Variants in NUDCD3 observed in about 807,000 individuals in gnomAD.
NUDCD3 encodes NudC domain containing 3.
A neutral mutation model predicts 39.7 loss-of-function variants in NUDCD3; 13 were observed. That is an observed-to-expected ratio of 0.33 (90% CI 0.21 to 0.52). The LOEUF is 0.52. Among genes scored for constraint, NUDCD3 ranks in the 20% least tolerant of loss-of-function variants. The pLI is 0.96. For synonymous variants in NUDCD3, 175 were observed against 172.4 expected (o/e 1.02, Z -0.12); for missense variants, 453 against 458.1 (o/e 0.99, Z 0.10).
chr7:44,395,153 T>C (rs1217385154), intron 4 of NUDCD3, among the ~76,000 whole-genome samples: 6 of 152,224 alleles, frequency 3.9e-5, no homozygotes, highest in Non-Finnish European at 7.3e-5. Context: ...TTCAAGGTTT[T>C]CCAGTAACTA....
chr7:44,415,565 C>T (rs1346917395), intron 3 of NUDCD3, among the ~76,000 whole-genome samples: 1 of 152,160 alleles, frequency 6.6e-6, no homozygotes, highest in Non-Finnish European at 1.5e-5. Flanking sequence ...ATTATGCATA[C>T]ACTCTTATTT....
At chr7:44,430,077 G>T (rs1799324776) in intron 2 of NUDCD3, among the ~76,000 whole-genome samples, 1 of 152,138 alleles carries the variant, frequency 6.6e-6, no homozygotes, top group Non-Finnish European at 1.5e-5. Flanking sequence ...AATTTTTGTG[G>T]TTATCTCTGA....
rs548018275 is a variant in NUDCD3, at chr7:44,381,442, G to C, written c.*4569C>G. ...GCTCCAAGAAGCAAATAGGAGACAA[G>C]GAACCACTGGCCTGCAGATGGGGCA... is the stretch of plus-strand genomic sequence containing the variant. On this transcript the variant is annotated 3_prime_UTR_variant, in exon 6 of 6. Transcript: ENST00000355451. The C allele has an allele frequency of 6.6e-6, 1 of 152,464 alleles. No individual in the cohort carries two copies. The highest frequency in any genetic ancestry group is 6.5e-5 in the Admixed American group (1 of 15,302). The allele number at this position is 152,464 out of a possible 1,614,324, so 9.4% of individuals were successfully genotyped here. A position where few individuals can be genotyped will look rare whatever the true frequency, so the allele number is the denominator to read the frequency against.
At chr7:44,415,669 T>C (rs963207019) in intron 3 of NUDCD3, among the ~76,000 whole-genome samples, 1 of 152,214 alleles carries the variant, frequency 6.6e-6, no homozygotes, top group South Asian at 2.1e-4. Context: ...GGCAAAGCTC[T>C]GATAATGCCT....
intron 2 of NUDCD3, among the ~76,000 whole-genome samples, chr7:44,474,389 AAC>A (rs1362602868): frequency 3.3e-5 from 5 of 152,182 alleles, no homozygotes; most frequent in African/African-American, 1.2e-4. Flanking sequence ...AATTCCCAAT[AAC>A]TCTCTGGCCC....
intron 3 of NUDCD3, chr7:44,413,079 T>A (rs527724813): frequency 6.6e-6 from 1 of 151,958 alleles, no homozygotes; most frequent in East Asian, 1.9e-4. Context: ...CCAAACGCAA[T>A]CTGCTCCTAT....
At chr7:44,393,006 C>G (rs1372661985) in intron 4 of NUDCD3, among the ~76,000 whole-genome samples, 1 of 152,104 alleles carries the variant, frequency 6.6e-6, no homozygotes, top group Non-Finnish European at 1.5e-5. Context: ...TAGGGGTAAG[C>G]TGGGACCTAT....
In NUDCD3 at chr7:44,435,115, C is replaced by CT. The variant is rs963664988; in HGVS notation, c.510-7413dup. Reference sequence around the variant, plus strand: ...TTCTTTATTGCCTAATAATTCTACACTTTTTTTAGATTTTTCTAAAAATCT... The same window carrying CT: ...TTCTTTATTGCCTAATAATTCTACACTTTTTTTTAGATTTTTCTAAAAATCT... On this transcript the variant is annotated intron_variant, in intron 2 of 5. Coordinates refer to ENST00000355451, the MANE Select transcript of NUDCD3 (RefSeq NM_015332.4). 2.0e-5 allele frequency among the ~76,000 whole-genome samples: 3 copies of CT among 152,074 alleles called. No homozygotes were observed. In the South Asian group the frequency reaches 6.2e-4, roughly 32 times the overall value.
chr7:44,421,541 T>C (rs1280238442), intron 3 of NUDCD3, among the ~76,000 whole-genome samples: 1 of 145,356 alleles, frequency 6.9e-6, no homozygotes, highest in African/African-American at 2.6e-5. Flanking sequence ...TAAAACAGAC[T>C]TTAAACCAAC....
At position 44,379,265 on chromosome 7, in the gene NUDCD3, C is replaced by T. The variant is rs993802757; in HGVS notation, c.*6746G>A. 6.9e-6 allele frequency: 1 copy of T among 144,674 alleles called. No individual in the cohort carries two copies. Among genetic ancestry groups the T allele is most frequent in the African/African-American group, 2.6e-5 (1 of 38,762 alleles). 9.0% of individuals were successfully genotyped at this position (144,674 alleles called of 1,614,324 possible). On this transcript the variant is annotated 3_prime_UTR_variant, in exon 6 of 6. Transcript: ENST00000355451. ...CCCAGAGGTTTGAGTCCAGTCTGGG[C>T]AACACAGGAAAAACTCTGTCTCAAA... is the stretch of plus-strand genomic sequence containing the variant.
At chr7:44,471,846 G>T (rs2116965988) in intron 2 of NUDCD3, 1 of 152,358 alleles carries the variant, frequency 6.6e-6, no homozygotes, top group South Asian at 2.1e-4. Flanking sequence ...TAATCGAGGG[G>T]TTACTGCACC....
intron 2 of NUDCD3, among the ~76,000 whole-genome samples, chr7:44,445,396 C>T (rs1435470964): frequency 6.6e-6 from 1 of 152,170 alleles, no homozygotes; most frequent in African/African-American, 2.4e-5. Context: ...GTGGTCCCTG[C>T]CAGCCCCATC....
rs139137661 is a variant in NUDCD3, at chr7:44,423,532, C to G, written c.642+4039G>C. ...CAGAGAGCCAAGTCATGAGTGAACT[C>G]CCATCCGCAATTGCTACAAAGAAAA... On this transcript the variant is annotated intron_variant, in intron 3 of 5. Coordinates refer to ENST00000355451, the MANE Select transcript of NUDCD3 (RefSeq NM_015332.4). 1.2e-4 allele frequency among the ~76,000 whole-genome samples: 19 copies of G among 152,212 alleles called. 1 individual carries two copies. In the East Asian group the frequency reaches 3.7e-3, roughly 29 times the overall value.
chr7:44,450,222 G>A (rs1563180834), intron 2 of NUDCD3, among the ~76,000 whole-genome samples: 2 of 150,794 alleles, frequency 1.3e-5, no homozygotes, highest in Admixed American at 6.6e-5. Flanking sequence ...TTATCGCCCA[G>A]GCTGGAGTGC....
At chr7:44,388,218 T>C (rs1335921382) in intron 5 of NUDCD3, among the ~76,000 whole-genome samples, 2 of 152,218 alleles carry the variant, frequency 1.3e-5, no homozygotes, top group African/African-American at 2.4e-5. Context: ...TGGGCATCAA[T>C]GCCAGAGCAC....
At chr7:44,440,302 A>G (rs1285076824) in intron 2 of NUDCD3, among the ~76,000 whole-genome samples, 3 of 152,212 alleles carry the variant, frequency 2.0e-5, no homozygotes, top group African/African-American at 7.2e-5. Context: ...AAAACACTAC[A>G]TAGACCCAAA....
intron 5 of NUDCD3, among the ~76,000 whole-genome samples, chr7:44,390,473 C>T (rs949577086): frequency 6.6e-6 from 1 of 152,202 alleles, no homozygotes; most frequent in Non-Finnish European, 1.5e-5. Flanking sequence ...CTCTCTGTAA[C>T]AAAGGCTCAG....
chr7:44,448,344 TGAGGACCACA>T (rs1799725225), intron 2 of NUDCD3, among the ~76,000 whole-genome samples: 1 of 152,212 alleles, frequency 6.6e-6, no homozygotes, highest in Non-Finnish European at 1.5e-5. Context: ...TGGTCACTCC[TGAGGACCACA>T]GAGGAGATGT....
intron 3 of NUDCD3, among the ~76,000 whole-genome samples, chr7:44,410,622 C>T (rs529822322): frequency 6.6e-6 from 1 of 150,456 alleles, no homozygotes; most frequent in Non-Finnish European, 1.5e-5. Context: ...GGAGATCCTG[C>T]CACTGCACTC....
Sources: allele counts gnomAD v4.1 joint callset (sites outside exome capture counted in the v4.1 genomes callset), GRCh38; gene constraint gnomAD v4.1.1; transcripts MANE v1.5; gene names NCBI Gene and HGNC (gene_info 2026-07-23, HGNC 2026-07-21).